Variants in MAP7 observed in about 807,000 individuals in gnomAD.
The protein encoded by MAP7 is ensconsin.
A neutral mutation model predicts 94.8 loss-of-function variants in MAP7; 52 were observed. That is an observed-to-expected ratio of 0.55 (90% CI 0.44 to 0.69). The LOEUF is 0.69. Among genes scored for constraint, MAP7 ranks in the 30% least tolerant of loss-of-function variants. The probability of loss-of-function intolerance (pLI) is 0.00; values close to 1 mark genes in which losing one functional copy is unlikely to be tolerated. For missense variants in MAP7, 940 were observed against 964.6 expected (o/e 0.97, Z 0.34); for synonymous variants, 350 against 357.0 (o/e 0.98, Z 0.22).
chr6:136,471,144 G>A (rs1300333938), intron 1 of MAP7, among the ~76,000 whole-genome samples: 1 of 152,120 alleles, frequency 6.6e-6, no homozygotes, highest in Non-Finnish European at 1.5e-5. Context: ...AGAAGTTTGT[G>A]CTTTTTTTGC....
chr6:136,495,705 G>A lies in MAP7; in HGVS notation c.67+54637C>T, dbSNP rs151079504. 3.9e-5 allele frequency among the ~76,000 whole-genome samples: 6 copies of A among 152,180 alleles called. No homozygotes were observed. In the East Asian group the frequency reaches 1.2e-3, roughly 29 times the overall value. ...TCTTGGAAAGGTTTTCTCTACAGGG[G>A]TTTCTATAGGTCCACATGTCCCCAG... On this transcript the variant is annotated intron_variant, in intron 1 of 17. Transcript: ENST00000354570.
intron 1 of MAP7, among the ~76,000 whole-genome samples, chr6:136,451,184 A>G (rs1309546916): frequency 2.0e-5 from 3 of 152,160 alleles, no homozygotes; most frequent in Non-Finnish European, 4.4e-5. Context: ...TTGTTTAGAT[A>G]TTTCCTGATC....
At chr6:136,449,517 T>C (rs532764860) in intron 1 of MAP7, among the ~76,000 whole-genome samples, 71 of 152,312 alleles carry the variant, frequency 4.7e-4, no homozygotes, top group Non-Finnish European at 1.3e-4. Context: ...AAACAGCCGA[T>C]TGGTTACAGC....
chr6:136,456,064 T>C (rs951717053), intron 1 of MAP7, among the ~76,000 whole-genome samples: 10 of 152,224 alleles, frequency 6.6e-5, no homozygotes, highest in African/African-American at 2.4e-4. Context: ...TCCTTTGTTT[T>C]AGTCTAAGAC....
At chr6:136,493,926 G>A (rs1216632359) in intron 1 of MAP7, among the ~76,000 whole-genome samples, 1 of 152,142 alleles carries the variant, frequency 6.6e-6, no homozygotes, top group Non-Finnish European at 1.5e-5. Flanking sequence ...TGAGCTTCAG[G>A]TTTCATGTCT....
At chr6:136,345,410 T>C (rs1787395041) in intron 17 of MAP7, among the ~76,000 whole-genome samples, 1 of 151,970 alleles carries the variant, frequency 6.6e-6, no homozygotes, top group Middle Eastern at 3.4e-3. Flanking sequence ...AAGAGAAAAA[T>C]GGTGGGAGAA....
At chr6:136,448,510 G>C (rs920033563) in intron 1 of MAP7, among the ~76,000 whole-genome samples, 1 of 151,718 alleles carries the variant, frequency 6.6e-6, no homozygotes, top group African/African-American at 2.4e-5. Context: ...CACCTCCCGG[G>C]TTCAAGTGAT....
chr6:136,390,808 C>G (rs994703363), intron 3 of MAP7, among the ~76,000 whole-genome samples: 1 of 152,060 alleles, frequency 6.6e-6, no homozygotes, highest in Non-Finnish European at 1.5e-5. Flanking sequence ...TGAAAGTGAT[C>G]GGAACTGACT....
intron 1 of MAP7, among the ~76,000 whole-genome samples, chr6:136,449,193 G>A (rs1319590202): frequency 6.6e-6 from 1 of 152,124 alleles, no homozygotes; most frequent in African/African-American, 2.4e-5. Context: ...TACTGGGGAG[G>A]CTGAGGCAGG....
intron 1 of MAP7, among the ~76,000 whole-genome samples, chr6:136,453,690 T>C (rs1017726705): frequency 6.6e-6 from 1 of 152,248 alleles, no homozygotes; most frequent in Non-Finnish European, 1.5e-5. Context: ...CCAACAAATT[T>C]TGATAATTTA....
At chr6:136,439,310 C>T (rs1011967039) in intron 1 of MAP7, among the ~76,000 whole-genome samples, 2 of 152,082 alleles carry the variant, frequency 1.3e-5, no homozygotes, top group African/African-American at 4.8e-5. Flanking sequence ...GAGGACACAG[C>T]ATGGGGTCCT....
intron 1 of MAP7, among the ~76,000 whole-genome samples, chr6:136,444,613 C>A (rs1798789195): frequency 1.3e-5 from 2 of 152,136 alleles, no homozygotes; most frequent in Non-Finnish European, 2.9e-5. Flanking sequence ...TTTTCCTTAA[C>A]CTGTTCCTTA....
intron 7 of MAP7, among the ~76,000 whole-genome samples, chr6:136,376,667 C>T (rs1465619152): frequency 6.6e-6 from 1 of 152,198 alleles, no homozygotes; most frequent in African/African-American, 2.4e-5. Context: ...ATTTATGATC[C>T]TGTCTGCCCA....
intron 1 of MAP7, among the ~76,000 whole-genome samples, chr6:136,513,871 G>A (rs1423020868): frequency 6.6e-6 from 1 of 152,192 alleles, no homozygotes; most frequent in East Asian, 1.9e-4. Context: ...GGTGTTAAGT[G>A]AAAATGTTAT....
rs76348621 is a variant in MAP7 at position 136,512,836 on chromosome 6, C to CT, written c.67+37505dup. ...CTGGGGTGCTGCGGCAATTTCTTCC[C>CT]TTTTTTTTTTTTTTTGAAAGGGTCT... On this transcript the variant is annotated intron_variant, in intron 1 of 17. Transcript: ENST00000354570. 6.0e-3 allele frequency among the ~76,000 whole-genome samples: 815 copies of CT among 136,774 alleles called. 6 individuals carry two copies. The highest frequency in any genetic ancestry group is 0.053 in the East Asian group (194 of 3,684). 89.7% of individuals were successfully genotyped at this position (136,774 alleles called of 152,430 possible).
chr6:136,473,735 T>C (rs1422208779), intron 1 of MAP7, among the ~76,000 whole-genome samples: 1 of 152,190 alleles, frequency 6.6e-6, no homozygotes, highest in African/African-American at 2.4e-5. Context: ...CAAGAGGAAT[T>C]GCTAAATCTT....
chr6:136,472,744 CAA>C (rs1372783049), intron 1 of MAP7, among the ~76,000 whole-genome samples: 1 of 152,194 alleles, frequency 6.6e-6, no homozygotes, highest in African/African-American at 2.4e-5. Flanking sequence ...ACATATTGGG[CAA>C]ACAGTCTAGG....
chr6:136,425,310 A>G (rs193103260), intron 1 of MAP7, among the ~76,000 whole-genome samples: 2 of 152,342 alleles, frequency 1.3e-5, no homozygotes, highest in East Asian at 1.9e-4. Flanking sequence ...TACTGCATAC[A>G]TGCTTCTCGG....
chr6:136,541,930 G>A (rs1468443996), intron 1 of MAP7, among the ~76,000 whole-genome samples: 1 of 152,080 alleles, frequency 6.6e-6, no homozygotes, highest in East Asian at 1.9e-4. Context: ...ATGGTGGTGG[G>A]CACCTGTAGT....
Sources: gnomAD v4.1 joint callset for allele counts (sites outside exome capture counted in the v4.1 genomes callset) on GRCh38, gnomAD v4.1.1 for gene constraint, MANE v1.5 for transcripts, NCBI Gene and HGNC (gene_info 2026-07-23, HGNC 2026-07-21) for gene names.